DCC: variants seen among roughly 807,000 people sequenced by gnomAD.
DCC encodes DCC netrin 1 receptor, also known as netrin receptor DCC.
A neutral mutation model predicts 172.5 loss-of-function variants in DCC; 58 were observed. The observed-to-expected ratio is 0.34, with a 90% CI of 0.27 to 0.42. DCC has a LOEUF of 0.42. DCC is among the 10% of genes least tolerant of loss of function. The pLI is 1.00. For synonymous variants in DCC, 709 were observed against 644.5 expected, an observed-to-expected ratio of 1.10 and a Z score of -1.52; for missense variants, 1,740 against 1,791.0, an observed-to-expected ratio of 0.97 and a Z score of 0.51.
Position 52,793,867 on chromosome 18 carries a change from T to C in DCC, c.412+41493T>C, listed in dbSNP as rs181009982. Among the ~76,000 whole-genome samples the C allele has an allele frequency of 6.2e-3, 947 of 152,320 alleles. 11 individuals are homozygous for C. Among genetic ancestry groups the C allele is most frequent in the South Asian group, 0.01 (49 of 4,828 alleles). ...TCTTCTGCCTGTGAGCACTTAGTTT[T>C]CCCTGCATCATTATTGAAGAGGGTA... On this transcript the variant is annotated intron_variant, in intron 2 of 28. Transcript: ENST00000442544.
intron 1 of DCC, among the ~76,000 whole-genome samples, chr18:52,376,035 C>T (rs947697576): frequency 1.3e-5 from 2 of 152,168 alleles, no homozygotes; most frequent in Non-Finnish European, 2.9e-5. Flanking sequence ...GATCCTGGAA[C>T]CCACTAGGCT....
At chr18:52,709,133 C>T (rs941485957) in intron 1 of DCC, among the ~76,000 whole-genome samples, 1 of 152,106 alleles carries the variant, frequency 6.6e-6, no homozygotes, top group African/African-American at 2.4e-5. Context: ...TTGCAAGATA[C>T]CTGTAATTAT....
intron 5 of DCC, among the ~76,000 whole-genome samples, chr18:52,970,655 T>A (rs1023608912): frequency 6.6e-6 from 1 of 152,146 alleles, no homozygotes; most frequent in East Asian, 1.9e-4. Context: ...CCAGATAATG[T>A]GTGTGAATGA....
At chr18:52,837,100 T>C (rs562733420) in intron 2 of DCC, among the ~76,000 whole-genome samples, 1 of 152,242 alleles carries the variant, frequency 6.6e-6, no homozygotes, top group East Asian at 1.9e-4. Flanking sequence ...CTGGAGTGTC[T>C]GGGAAACAGG....
chr18:52,499,244 G>A (rs914683433), intron 1 of DCC, among the ~76,000 whole-genome samples: 4 of 152,134 alleles, frequency 2.6e-5, no homozygotes, highest in South Asian at 2.1e-4. Flanking sequence ...TAGCAATGAC[G>A]CAGCCTGACT....
chr18:52,964,626 C>G (rs923934842), intron 5 of DCC, among the ~76,000 whole-genome samples: 51 of 152,138 alleles, frequency 3.4e-4, no homozygotes, highest in African/African-American at 1.2e-3. Flanking sequence ...TCTGAAATCA[C>G]CAGAGATTTC....
intron 1 of DCC, among the ~76,000 whole-genome samples, chr18:52,655,237 C>T (rs2035223358): frequency 6.6e-6 from 1 of 152,010 alleles, no homozygotes; most frequent in African/African-American, 2.4e-5. Flanking sequence ...TTGGTTGAAA[C>T]AAGACACAAG....
At chr18:53,096,299 C>T (rs1316274859) in intron 7 of DCC, among the ~76,000 whole-genome samples, 3 of 151,968 alleles carry the variant, frequency 2.0e-5, no homozygotes, top group Admixed American at 1.3e-4. Context: ...TGATTGCACC[C>T]CTGCACTTTA....
intron 5 of DCC, among the ~76,000 whole-genome samples, chr18:53,008,096 C>T (rs1184450504): frequency 1.3e-5 from 2 of 152,106 alleles, no homozygotes; most frequent in Non-Finnish European, 2.9e-5. Flanking sequence ...GCTTCTGAAT[C>T]ACATAGACAT....
intron 27 of DCC, among the ~76,000 whole-genome samples, chr18:53,506,647 C>T (rs1487346432): frequency 6.6e-6 from 1 of 152,046 alleles, no homozygotes; most frequent in East Asian, 1.9e-4. Flanking sequence ...TGCCTGAGCT[C>T]AGGAGTTCAA....
At chr18:52,485,364 G>A (rs1014060333) in intron 1 of DCC, among the ~76,000 whole-genome samples, 1 of 152,130 alleles carries the variant, frequency 6.6e-6, no homozygotes, top group African/African-American at 2.4e-5. Flanking sequence ...TTACAGCACT[G>A]TTGGAGATCA....
intron 1 of DCC, among the ~76,000 whole-genome samples, chr18:52,514,874 T>C (rs1361850865): frequency 1.3e-5 from 2 of 152,180 alleles, no homozygotes; most frequent in African/African-American, 4.8e-5. Flanking sequence ...TGTTTGAACA[T>C]GAACTCCTCA....
At chr18:52,677,645 T>G (rs12605797) in intron 1 of DCC, among the ~76,000 whole-genome samples, 17,590 of 152,174 alleles carry the variant, frequency 0.12, 1,204 homozygotes, top group East Asian at 0.29. Flanking sequence ...CAACTTCTCC[T>G]AAGACTTGAG....
intron 1 of DCC, among the ~76,000 whole-genome samples, chr18:52,374,507 T>C (rs879334386): frequency 4.5e-4 from 67 of 149,568 alleles, no homozygotes; most frequent in Middle Eastern, 3.5e-3. Flanking sequence ...ATAAATGCTA[T>C]ATATATATAT....
chr18:52,347,337 T>A (rs1365339345), intron 1 of DCC, among the ~76,000 whole-genome samples: 1 of 152,180 alleles, frequency 6.6e-6, no homozygotes, highest in East Asian at 1.9e-4. Context: ...CTCACTTAGC[T>A]GCCTCTTTAA....
chr18:52,681,273 C>T (rs1403775157), intron 1 of DCC, among the ~76,000 whole-genome samples: 1 of 151,990 alleles, frequency 6.6e-6, no homozygotes, highest in African/African-American at 2.4e-5. Flanking sequence ...TCTCACTGTA[C>T]CCACTCCCTT....
At chr18:53,431,791 A>G (rs1010323483) in intron 21 of DCC, among the ~76,000 whole-genome samples, 9 of 152,094 alleles carry the variant, frequency 5.9e-5, no homozygotes, top group Non-Finnish European at 4.4e-5. Flanking sequence ...GCCTTCATAT[A>G]GTACATTTGA....
chr18:52,692,066 A>G (rs2145013705), intron 1 of DCC, among the ~76,000 whole-genome samples: 1 of 152,234 alleles, frequency 6.6e-6, no homozygotes, highest in South Asian at 2.1e-4. Context: ...TTAAGAATCC[A>G]CTGTTAGTGA....
intron 12 of DCC, among the ~76,000 whole-genome samples, chr18:53,288,209 A>T (rs2056958684): frequency 6.6e-6 from 1 of 152,178 alleles, no homozygotes; most frequent in African/African-American, 2.4e-5. Context: ...GACTAGTCTG[A>T]CATATTCTTG....
Sources: allele counts gnomAD v4.1 joint callset (sites outside exome capture counted in the v4.1 genomes callset), GRCh38; gene constraint gnomAD v4.1.1; transcripts MANE v1.5; gene names NCBI Gene and HGNC (gene_info 2026-07-23, HGNC 2026-07-21).